Variants in KDM4B observed in about 807,000 individuals in gnomAD.
The protein encoded by KDM4B is lysine-specific demethylase 4B.
Under a neutral mutation model 125.2 loss-of-function variants are expected in KDM4B, and 32 were observed. The observed-to-expected ratio is 0.26, with a 90% CI of 0.19 to 0.34. The LOEUF (loss-of-function observed/expected upper bound fraction) is 0.34. Ranked by LOEUF, KDM4B falls within the 10% of genes least tolerant of loss-of-function variation. The pLI, the probability that KDM4B is intolerant of heterozygous loss-of-function variation, is 1.00. For missense variants in KDM4B, 1,190 were observed against 1,577.7 expected, an observed-to-expected ratio of 0.75 and a Z score of 4.16; for synonymous variants, 721 against 677.9, an observed-to-expected ratio of 1.06 and a Z score of -0.99.
At chr19:5,052,173 T>C (rs1335065668) in intron 6 of KDM4B, among the ~76,000 whole-genome samples, 2 of 152,148 alleles carry the variant, frequency 1.3e-5, no homozygotes, top group Non-Finnish European at 2.9e-5. Flanking sequence ...CACCTTGAGT[T>C]TTCTCTCTGG....
At chr19:5,125,788 G>T (rs1027891165) in intron 11 of KDM4B, among the ~76,000 whole-genome samples, 1 of 142,196 alleles carries the variant, frequency 7.0e-6, no homozygotes, top group Non-Finnish European at 1.5e-5. Flanking sequence ...CCCGCCCCCC[G>T]CCCTGGACAC....
At chr19:5,148,388 T>G (rs1190204002) in intron 21 of KDM4B, among the ~76,000 whole-genome samples, 3 of 152,150 alleles carry the variant, frequency 2.0e-5, no homozygotes, top group Non-Finnish European at 4.4e-5. Flanking sequence ...GTGAGCGCCA[T>G]CCTCCTAGGC....
chr19:5,094,746 T>C (rs1162252440), intron 9 of KDM4B, among the ~76,000 whole-genome samples: 2 of 152,144 alleles, frequency 1.3e-5, no homozygotes, highest in African/African-American at 2.4e-5. Context: ...CGTCAGAGCC[T>C]GCCTTCCAGT....
At position 5,067,461 on chromosome 19, in the gene KDM4B, GA is replaced by G. The variant is rs1489634920; in HGVS notation, c.627-3548del. 3.3e-5 allele frequency among the ~76,000 whole-genome samples: 5 copies of G among 152,318 alleles called. No individual in the cohort carries two copies. In the East Asian group the frequency reaches 9.7e-4, roughly 29 times the overall value. ...GGCCACACACAGCCCCAGTCCTGGG[GA>G]CGTGCTCTGAAGATGGTAGAAGGGA... is the stretch of plus-strand genomic sequence containing the variant. On this transcript the variant is annotated intron_variant, in intron 6 of 22. Coordinates refer to ENST00000159111, the MANE Select transcript of KDM4B (RefSeq NM_015015.3).
chr19:4,974,124 C>T (rs557128758), intron 1 of KDM4B, among the ~76,000 whole-genome samples: 10 of 146,574 alleles, frequency 6.8e-5, no homozygotes, highest in South Asian at 4.3e-4. Flanking sequence ...AGTGGCCGGG[C>T]GCAGTGGCTC....
Position 5,047,221 on chromosome 19 carries a change from C to T in KDM4B, c.433-255C>T, listed in dbSNP as rs549391714. 52 of 458,124 alleles carry T rather than the reference C, an allele frequency of 1.1e-4. No homozygotes were observed. In the South Asian group the frequency reaches 1.8e-3, roughly 16 times the overall value. The allele number at this position is 458,124 out of a possible 1,614,324, so 28.4% of individuals were successfully genotyped here. A position where few individuals can be genotyped will look rare whatever the true frequency, so the allele number is the denominator to read the frequency against. On this transcript the variant is annotated intron_variant, in intron 5 of 22. Transcript: ENST00000159111. ...CAGGAGACTGAGGCTGGAGGATTACCTGAGCCTGGGAGGTTGAGGCTGCAG... is the reference window on the plus strand; with the variant it reads ...CAGGAGACTGAGGCTGGAGGATTACTTGAGCCTGGGAGGTTGAGGCTGCAG...
At chr19:5,144,943 G>A in intron 21 of KDM4B, 41 bp downstream of exon 21, 1 of 1,611,640 alleles carries the variant, frequency 6.2e-7, no homozygotes, top group South Asian at 1.1e-5. Context: ...CCTTCACCAA[G>A]CTCTTCTTGT....
At position 5,041,320 on chromosome 19, in the gene KDM4B, C is replaced by T. The variant is rs555917525; in HGVS notation, c.432+69C>T. 1.7e-5 allele frequency: 21 copies of T among 1,205,794 alleles called. No individual in the cohort carries two copies. In the African/African-American group the frequency reaches 2.4e-4, roughly 14 times the overall value. The allele number at this position is 1,205,794 out of a possible 1,614,324, so 74.7% of individuals were successfully genotyped here. On this transcript the variant is annotated intron_variant, in intron 5 of 22. Coordinates refer to ENST00000159111, the MANE Select transcript of KDM4B (RefSeq NM_015015.3). ...TGGGTGGTGGTGGGAGGGCCCTGAA[C>T]GGGACTCTGCCTTGGCAGATGAAGC...
In KDM4B at chr19:5,151,508, C is replaced by G; in HGVS notation, c.3288C>G (p.Phe1096Leu). 1 of 1,399,846 alleles carries G rather than the reference C, an allele frequency of 7.1e-7. No homozygotes were observed. Among genetic ancestry groups the G allele is most frequent in the Non-Finnish European group, 9.3e-7 (1 of 1,071,916 alleles). 86.7% of individuals were successfully genotyped at this position (1,399,846 alleles called of 1,614,324 possible). A position where few individuals can be genotyped will look rare whatever the true frequency, so the allele number is the denominator to read the frequency against. ...TGCAGGGCCGGCCCGGAGCCCCCTT[C>G]TAGGACAGCTGGCCGCTCAGGCGAC... is the stretch of plus-strand genomic sequence containing the variant. ...LQVQGRPGAP[F>L] Residue 1096 changes from phenylalanine to leucine, a missense_variant, in exon 23 of 23, where the codon TTC becomes TTG. Physicochemically the swap from Phe to Leu is conservative, Grantham distance 22 (BLOSUM62 0). This residue lies in a region of KDM4B where 109 missense variants were observed against 93.8 expected (regional missense o/e 1.16). Coordinates refer to ENST00000159111, the MANE Select transcript of KDM4B (RefSeq NM_015015.3).
At chr19:5,096,004 GT>G (rs961128113) in intron 9 of KDM4B, among the ~76,000 whole-genome samples, 2 of 152,078 alleles carry the variant, frequency 1.3e-5, no homozygotes, top group African/African-American at 2.4e-5. Context: ...CAGGGAGCTT[GT>G]TTTAGGAGGA....
At chr19:5,028,591 C>T (rs900755931) in intron 2 of KDM4B, among the ~76,000 whole-genome samples, 1 of 152,114 alleles carries the variant, frequency 6.6e-6, no homozygotes, top group Non-Finnish European at 1.5e-5. Context: ...TGGGCAGATA[C>T]GCAGGAGTGG....
chr19:5,093,924 G>T (rs910887595), intron 9 of KDM4B, among the ~76,000 whole-genome samples: 7 of 152,244 alleles, frequency 4.6e-5, no homozygotes, highest in African/African-American at 1.7e-4. Flanking sequence ...CACCTGGGTA[G>T]CCCAGTCCAC....
At chr19:5,007,518 A>G (rs1252123499) in intron 1 of KDM4B, among the ~76,000 whole-genome samples, 2 of 144,930 alleles carry the variant, frequency 1.4e-5, no homozygotes, top group East Asian at 2.0e-4. Context: ...TGTTTTGTAC[A>G]TTGTCTTTTC....
intron 3 of KDM4B, among the ~76,000 whole-genome samples, chr19:5,034,436 C>T (rs962591500): frequency 6.6e-6 from 1 of 152,236 alleles, no homozygotes; most frequent in East Asian, 1.9e-4. Flanking sequence ...AAGTGCACGG[C>T]CCTGTGCCAA....
chr19:4,989,248 CA>C (rs2034952281), intron 1 of KDM4B, among the ~76,000 whole-genome samples: 1 of 152,186 alleles, frequency 6.6e-6, no homozygotes, highest in Non-Finnish European at 1.5e-5. Flanking sequence ...GATGGTGGGG[CA>C]GGGGGGCCGT....
intron 1 of KDM4B, among the ~76,000 whole-genome samples, chr19:4,980,377 T>TATA (rs2034593493): frequency 6.6e-6 from 1 of 151,172 alleles, no homozygotes; most frequent in Non-Finnish European, 1.5e-5. Flanking sequence ...ATTCTCAAGG[T>TATA]GTATCCACGC....
chr19:5,040,565 A>G (rs1302340551), intron 4 of KDM4B, among the ~76,000 whole-genome samples: 4 of 152,250 alleles, frequency 2.6e-5, no homozygotes, highest in Middle Eastern at 3.4e-3. Context: ...CCAGGTACAC[A>G]TGGCACCTGC....
chr19:5,081,526 G>A lies in KDM4B; in HGVS notation c.781-841G>A, dbSNP rs1599575560. On this transcript the variant is annotated intron_variant, in intron 8 of 22. Transcript: ENST00000159111. The surrounding 1 kb of genome is among the most constrained non-coding windows in gnomAD (Gnocchi z 4.2). ...GAAACCTTGGGTCTGGGGTCATTGT[G>A]GGCCCCACCCCAGCCACGCACGCCT... 3.9e-5 allele frequency among the ~76,000 whole-genome samples: 6 copies of A among 152,234 alleles called. 2 individuals carry two copies. The highest frequency in any genetic ancestry group is 3.9e-4 in the Admixed American group (6 of 15,298).
At chr19:5,094,293 T>C (rs1437364805) in intron 9 of KDM4B, among the ~76,000 whole-genome samples, 1 of 152,228 alleles carries the variant, frequency 6.6e-6, no homozygotes, top group African/African-American at 2.4e-5. Context: ...TGCAGGATGC[T>C]GAGTAGCGCG....
Sources: allele counts gnomAD v4.1 joint callset (sites outside exome capture counted in the v4.1 genomes callset), GRCh38; gene constraint gnomAD v4.1.1; regional missense constraint gnomAD v4.1.1; non-coding constraint Gnocchi (gnomAD v3.1); transcripts MANE v1.5; gene names NCBI Gene and HGNC (gene_info 2026-07-23, HGNC 2026-07-21).